The following COG5 variants were observed in gnomAD, a reference collection of about 807,000 sequenced individuals.
COG5 encodes the protein component of oligomeric golgi complex 5.
COG5 carries 86 observed loss-of-function variants against 110.4 expected under a neutral mutation model. That is an observed-to-expected ratio of 0.78 (90% CI 0.65 to 0.93). The LOEUF is 0.93. Among genes scored for constraint, COG5 ranks in the 40% least tolerant of loss-of-function variants. COG5 has a pLI of 0.00. For missense variants in COG5, 1,077 were observed against 987.0 expected (o/e 1.09, Z -1.22); for synonymous variants, 360 against 334.6 (o/e 1.08, Z -0.83).
intron 6 of COG5, among the ~76,000 whole-genome samples, chr7:107,422,384 G>A (rs1437390724): frequency 6.6e-6 from 1 of 152,060 alleles, no homozygotes; most frequent in African/African-American, 2.4e-5. Context: ...AAAATTAGCC[G>A]GACATGGTGG....
intron 6 of COG5, among the ~76,000 whole-genome samples, chr7:107,423,101 ATTTAT>A: frequency 6.7e-6 from 1 of 149,290 alleles, no homozygotes; most frequent in East Asian, 1.9e-4. Context: ...TTGCAATACA[ATTTAT>A]TTTAATTTCA....
intron 14 of COG5, among the ~76,000 whole-genome samples, chr7:107,260,963 GT>G (rs149696639): frequency 2.8e-5 from 4 of 140,544 alleles, no homozygotes; most frequent in Admixed American, 1.4e-4. Flanking sequence ...GTTTGTTTTT[GT>G]TTTTTTTTTA....
In COG5 at chr7:107,526,462, T is replaced by C. The variant is rs549469274; in HGVS notation, c.538+775A>G. ...TTGACTGTCAAGGTCCTGCAATAAA[T>C]GTCTGAGAAAAGAATGAACAAAGAA... is the stretch of plus-strand genomic sequence containing the variant. On this transcript the variant is annotated intron_variant, in intron 6 of 21. Transcript: ENST00000297135. Among the ~76,000 whole-genome samples, 6 of 152,292 alleles carry C rather than the reference T, an allele frequency of 3.9e-5. No individual in the cohort carries two copies. In the South Asian group the frequency reaches 1.2e-3, roughly 32 times the overall value.
At chr7:107,223,462 C>T (rs1367848534) in intron 19 of COG5, among the ~76,000 whole-genome samples, 1 of 152,020 alleles carries the variant, frequency 6.6e-6, no homozygotes, top group Non-Finnish European at 1.5e-5. Context: ...ACCAGCAGAC[C>T]AGGTAGGAAA....
At chr7:107,541,980 A>G (rs1021820876) in intron 5 of COG5, among the ~76,000 whole-genome samples, 1 of 151,910 alleles carries the variant, frequency 6.6e-6, no homozygotes, top group Non-Finnish European at 1.5e-5. Flanking sequence ...TGGGATTAAC[A>G]GCAGATTACA....
intron 11 of COG5, among the ~76,000 whole-genome samples, chr7:107,322,524 A>T (rs1809396855): frequency 6.6e-6 from 1 of 152,204 alleles, no homozygotes; most frequent in Non-Finnish European, 1.5e-5. Flanking sequence ...CCCCAATAAA[A>T]AAAACTAGTA....
chr7:107,221,349 T>C (rs1455729537), intron 19 of COG5, among the ~76,000 whole-genome samples: 3 of 152,122 alleles, frequency 2.0e-5, no homozygotes, highest in East Asian at 1.9e-4. Flanking sequence ...TGGAATCCTA[T>C]ACTACCTCTA....
At chr7:107,408,593 T>C (rs766332024) in intron 7 of COG5, among the ~76,000 whole-genome samples, 1 of 152,244 alleles carries the variant, frequency 6.6e-6, no homozygotes, top group Non-Finnish European at 1.5e-5. Context: ...GACATTTAGA[T>C]GGCAGAGGCT....
rs535050839 is a variant in COG5, at chr7:107,214,778, C to G, written c.2169-3553G>C. ...CTTTACCAAAAGTACAAAAATTAGC[C>G]AGGCATGGTGGTGTACACCTGTGGT... On this transcript the variant is annotated intron_variant, in intron 19 of 21. Transcript: ENST00000297135. Among the ~76,000 whole-genome samples the G allele has an allele frequency of 2.6e-5, 4 of 151,306 alleles. No homozygotes were observed. In the East Asian group the frequency reaches 7.7e-4, roughly 29 times the overall value.
intron 14 of COG5, among the ~76,000 whole-genome samples, chr7:107,271,712 T>C (rs1030629552): frequency 1.3e-5 from 2 of 152,130 alleles, no homozygotes; most frequent in African/African-American, 2.4e-5. Context: ...TCATGTTCAT[T>C]GGTTTTTTGT....
At chr7:107,445,968 G>A (rs1275720954) in intron 6 of COG5, among the ~76,000 whole-genome samples, 1 of 152,146 alleles carries the variant, frequency 6.6e-6, no homozygotes, top group Non-Finnish European at 1.5e-5. Flanking sequence ...AACTTGACAA[G>A]TGCCACTCAT....
intron 11 of COG5, among the ~76,000 whole-genome samples, chr7:107,309,509 C>G (rs1276025954): frequency 6.6e-6 from 1 of 152,230 alleles, no homozygotes; most frequent in Admixed American, 6.5e-5. Flanking sequence ...GTGGGAGACA[C>G]AGATAAGCTA....
At chr7:107,516,710 C>T (rs1009005939) in intron 6 of COG5, among the ~76,000 whole-genome samples, 6 of 152,034 alleles carry the variant, frequency 3.9e-5, no homozygotes, top group South Asian at 2.1e-4. Flanking sequence ...CTGGTGATAC[C>T]CAGGTGAACA....
Position 107,362,047 on chromosome 7 carries a change from C to G in COG5, c.1012G>C (p.Glu338Gln). The change falls in exon 10 of 22, where the codon GAA becomes CAA. Residue 338 changes from glutamate (E) to glutamine (Q), a missense_variant. By Grantham distance (29) the Glu-to-Gln change is conservative (BLOSUM62 2). Coordinates refer to ENST00000297135, the MANE Select transcript of COG5 (RefSeq NM_006348.5). ...TTTAAACATACCTTAACTATTTCTT[C>G]AATGAAACAAATGTGAGAAACAGGA... ...RDPVSHICFI[E>Q]EIVKDGQPEI... is the part of the protein sequence containing the mutation. 1 of 1,603,404 alleles carries G rather than the reference C, an allele frequency of 6.2e-7. No homozygotes were observed. Among genetic ancestry groups the G allele is most frequent in the Non-Finnish European group, 8.5e-7 (1 of 1,171,530 alleles).
At chr7:107,488,692 C>T (rs576993775) in intron 6 of COG5, among the ~76,000 whole-genome samples, 1 of 151,862 alleles carries the variant, frequency 6.6e-6, no homozygotes, top group Admixed American at 6.6e-5. Context: ...ACAAAAAATA[C>T]AAAAATTAGT....
At chr7:107,228,221 G>A (rs1205536760) in intron 19 of COG5, among the ~76,000 whole-genome samples, 3 of 151,030 alleles carry the variant, frequency 2.0e-5, no homozygotes, top group Non-Finnish European at 4.4e-5. Flanking sequence ...GGATCACTTG[G>A]GCATGCAAGG....
intron 6 of COG5, among the ~76,000 whole-genome samples, chr7:107,427,645 G>A (rs565255667): frequency 4.6e-5 from 7 of 151,818 alleles, no homozygotes; most frequent in East Asian, 2.0e-4. Flanking sequence ...CCGAAGCCTC[G>A]CTCAGCCCCA....
At chr7:107,277,828 A>C (rs1256841056) in intron 14 of COG5, among the ~76,000 whole-genome samples, 1 of 152,222 alleles carries the variant, frequency 6.6e-6, no homozygotes, top group Non-Finnish European at 1.5e-5. Context: ...TTTGTATAAC[A>C]CATACCTTTG....
At chr7:107,383,952 A>G (rs1276246543) in intron 7 of COG5, among the ~76,000 whole-genome samples, 1 of 152,080 alleles carries the variant, frequency 6.6e-6, no homozygotes, top group East Asian at 1.9e-4. Flanking sequence ...AGCCCAACAT[A>G]CCACCAAAAG....
Sources: gnomAD v4.1 joint callset for allele counts (sites outside exome capture counted in the v4.1 genomes callset) on GRCh38, gnomAD v4.1.1 for gene constraint, MANE v1.5 for transcripts, NCBI Gene and HGNC (gene_info 2026-07-23, HGNC 2026-07-21) for gene names.